The following CTTNBP2 variants were observed in gnomAD, a reference collection of about 807,000 sequenced individuals.
CTTNBP2 encodes the protein cortactin binding protein 2.
CTTNBP2 carries 108 observed loss-of-function variants against 156.9 expected under a neutral mutation model. The observed-to-expected ratio is 0.69, with a 90% CI of 0.59 to 0.81. The LOEUF is 0.81. Among genes scored for constraint, CTTNBP2 ranks in the 30% least tolerant of loss-of-function variants. The probability of loss-of-function intolerance (pLI) is 0.00; values close to 1 mark genes in which losing one functional copy is unlikely to be tolerated. For missense variants in CTTNBP2, 1,924 were observed against 2,035.4 expected, an observed-to-expected ratio of 0.95 and a Z score of 1.05; for synonymous variants, 767 against 751.8, an observed-to-expected ratio of 1.02 and a Z score of -0.33.
intron 2 of CTTNBP2, among the ~76,000 whole-genome samples, chr7:117,835,489 A>C (rs1450552981): frequency 1.3e-5 from 2 of 152,164 alleles, no homozygotes; most frequent in African/African-American, 4.8e-5. Flanking sequence ...CAAACAAGGC[A>C]AACACTCAGC....
At chr7:117,763,175 C>T (rs1187044279) in intron 9 of CTTNBP2, among the ~76,000 whole-genome samples, 1 of 152,152 alleles carries the variant, frequency 6.6e-6, no homozygotes, top group African/African-American at 2.4e-5. Flanking sequence ...AGACTATAAG[C>T]TTCAGGATGA....
intron 8 of CTTNBP2, among the ~76,000 whole-genome samples, chr7:117,773,444 G>C (rs538300716): frequency 2.2e-4 from 33 of 152,254 alleles, no homozygotes; most frequent in African/African-American, 7.7e-4. Context: ...GCTACCACCT[G>C]ATCAGAGGAC....
intron 2 of CTTNBP2, among the ~76,000 whole-genome samples, chr7:117,834,373 GT>G (rs1563053292): frequency 1.3e-5 from 2 of 152,148 alleles, no homozygotes; most frequent in African/African-American, 2.4e-5. Context: ...ATTTTCATAT[GT>G]ATATTTGACT....
chr7:117,784,696 G>A (rs1798618569), intron 4 of CTTNBP2, among the ~76,000 whole-genome samples: 1 of 152,156 alleles, frequency 6.6e-6, no homozygotes, highest in Non-Finnish European at 1.5e-5. Flanking sequence ...TTAGTCATGA[G>A]TCTTGCACAG....
intron 10 of CTTNBP2, among the ~76,000 whole-genome samples, chr7:117,759,278 T>A (rs1013360662): frequency 5.3e-5 from 8 of 151,926 alleles, no homozygotes; most frequent in South Asian, 2.1e-4. Flanking sequence ...CACCTAATTT[T>A]AAAAAAATTG....
At chr7:117,867,880 T>G (rs1346672997) in intron 1 of CTTNBP2, among the ~76,000 whole-genome samples, 2 of 152,114 alleles carry the variant, frequency 1.3e-5, no homozygotes, top group Admixed American at 6.5e-5. Flanking sequence ...CTCAGTGTAT[T>G]GAAAGGAGGT....
At chr7:117,865,837 C>T (rs1252716283) in intron 1 of CTTNBP2, among the ~76,000 whole-genome samples, 1 of 149,916 alleles carries the variant, frequency 6.7e-6, no homozygotes, top group East Asian at 1.9e-4. Context: ...AGAATCTGGT[C>T]ATCAAAGTAT....
intron 2 of CTTNBP2, among the ~76,000 whole-genome samples, chr7:117,817,361 A>ATAAATATATATATATATAT (rs1298639361): frequency 1.3e-3 from 70 of 53,312 alleles, no homozygotes; most frequent in African/African-American, 2.8e-3. Flanking sequence ...AAAAAAAAAA[A>ATAAATATATATATATATAT]ATATATATAT....
intron 12 of CTTNBP2, among the ~76,000 whole-genome samples, chr7:117,754,405 C>T (rs530523849): frequency 1.8e-4 from 28 of 152,286 alleles, no homozygotes; most frequent in African/African-American, 6.5e-4. Context: ...AATCTGCCTT[C>T]TTTACCACTA....
chr7:117,864,610 C>G (rs967575912), intron 1 of CTTNBP2, among the ~76,000 whole-genome samples: 23 of 93,216 alleles, frequency 2.5e-4, no homozygotes, highest in Non-Finnish European at 5.0e-4. Flanking sequence ...AAAATTCTAA[C>G]AAAAACTACA....
At chr7:117,830,245 G>A (rs1801519757) in intron 2 of CTTNBP2, among the ~76,000 whole-genome samples, 2 of 152,168 alleles carry the variant, frequency 1.3e-5, no homozygotes, top group Non-Finnish European at 2.9e-5. Context: ...TGTACAGCGT[G>A]TACAACAGGC....
chr7:117,772,056 A>C (rs977903864), intron 8 of CTTNBP2, among the ~76,000 whole-genome samples: 6 of 152,212 alleles, frequency 3.9e-5, no homozygotes, highest in African/African-American at 1.4e-4. Flanking sequence ...GACCAAGGCC[A>C]GATCAGGAAG....
At chr7:117,736,211 T>C (rs1795678315) in intron 14 of CTTNBP2, among the ~76,000 whole-genome samples, 1 of 152,116 alleles carries the variant, frequency 6.6e-6, no homozygotes, top group Non-Finnish European at 1.5e-5. Flanking sequence ...TCCCAGCACT[T>C]TGGGAGGCCA....
chr7:117,819,355 CT>C (rs1800804575), intron 2 of CTTNBP2, among the ~76,000 whole-genome samples: 1 of 42,124 alleles, frequency 2.4e-5, no homozygotes, highest in Non-Finnish European at 4.5e-5. Flanking sequence ...CTCTTTTCTC[CT>C]TCTCTCTCTC....
At chr7:117,717,625 CCTCT>C (rs1794498927) in intron 22 of CTTNBP2, among the ~76,000 whole-genome samples, 1 of 151,888 alleles carries the variant, frequency 6.6e-6, no homozygotes, top group Admixed American at 6.6e-5. Flanking sequence ...ACTTAGTAGC[CCTCT>C]AGGTTATCGG....
In CTTNBP2 at chr7:117,732,644, C is replaced by T. The variant is rs189052056; in HGVS notation, c.3876+2269G>A. On this transcript the variant is annotated intron_variant, in intron 16 of 22. Coordinates refer to ENST00000160373, the MANE Select transcript of CTTNBP2 (RefSeq NM_033427.3). ...CAGCCTGGGCGACAGAGCAAGACTC[C>T]GTCTCAAAAAAAAAAAAAAAAAAAA... Among the ~76,000 whole-genome samples the T allele has an allele frequency of 2.6e-3, 355 of 135,426 alleles. 3 individuals carry two copies. Among genetic ancestry groups the T allele is most frequent in the African/African-American group, 9.6e-3 (336 of 35,168 alleles). 88.8% of individuals were successfully genotyped at this position (135,426 alleles called of 152,430 possible).
intron 1 of CTTNBP2, among the ~76,000 whole-genome samples, chr7:117,865,385 G>A (rs914684186): frequency 6.6e-6 from 1 of 152,014 alleles, no homozygotes; most frequent in Non-Finnish European, 1.5e-5. Flanking sequence ...CCTGTGCCAG[G>A]CACGGTGGCT....
At chr7:117,851,720 C>T (rs1802941115) in intron 2 of CTTNBP2, among the ~76,000 whole-genome samples, 1 of 152,148 alleles carries the variant, frequency 6.6e-6, no homozygotes, top group African/African-American at 2.4e-5. Flanking sequence ...ACCAAACTCA[C>T]AACTTGTTAC....
chr7:117,825,485 G>A (rs1801224055), intron 2 of CTTNBP2, among the ~76,000 whole-genome samples: 1 of 152,192 alleles, frequency 6.6e-6, no homozygotes, highest in South Asian at 2.1e-4. Flanking sequence ...CTTTTCCAGA[G>A]CATCACAGGG....
Sources: gnomAD v4.1 joint callset for allele counts (sites outside exome capture counted in the v4.1 genomes callset) on GRCh38, gnomAD v4.1.1 for gene constraint, MANE v1.5 for transcripts, NCBI Gene and HGNC (gene_info 2026-07-23, HGNC 2026-07-21) for gene names.